Variants in PCDHGA11 observed in about 807,000 individuals in gnomAD.
The protein encoded by PCDHGA11 is protocadherin gamma-A11.
A neutral mutation model predicts 60.4 loss-of-function variants in PCDHGA11; 39 were observed. The ratio of observed to expected loss-of-function variants is 0.65; its 90% CI spans 0.50 to 0.84. The LOEUF is 0.84. Among genes scored for constraint, PCDHGA11 ranks in the 40% least tolerant of loss-of-function variants. The pLI, the probability that PCDHGA11 is intolerant of heterozygous loss-of-function variation, is 0.00. For synonymous variants in PCDHGA11, 533 were observed against 510.3 expected, an observed-to-expected ratio of 1.04 and a Z score of -0.60; for missense variants, 1,165 against 1,197.7, an observed-to-expected ratio of 0.97 and a Z score of 0.40.
In PCDHGA11 at chr5:141,486,645, C is replaced by G. The variant is rs369948556; in HGVS notation, c.2434-8162C>G. ...GACTCTGGCTTGAATGCGCTTATCT[C>G]CTACTCACTCCTGGAGCCCAGGAAT... On this transcript the variant is annotated intron_variant, in intron 1 of 3. Coordinates refer to ENST00000398587, the MANE Select transcript of PCDHGA11 (RefSeq NM_018914.3). The surrounding 1 kb of genome is among the most constrained non-coding windows in gnomAD (Gnocchi z 5.0). 4.3e-6 allele frequency: 7 copies of G among 1,613,752 alleles called. No individual in the cohort carries two copies. The Admixed American group carries it at 6.7e-5, about 15-fold the overall frequency.
intron 1 of PCDHGA11, chr5:141,427,761 G>A (rs1228905550): frequency 3.7e-6 from 5 of 1,366,246 alleles, no homozygotes; most frequent in Non-Finnish European, 4.1e-6. Flanking sequence ...CGTTACCACT[G>A]ACTTGGAGCT....
At chr5:141,505,238 G>A (rs1254100882) in intron 2 of PCDHGA11, 155 bp from the exon 3 acceptor site, 2 of 890,422 alleles carry the variant, frequency 2.2e-6, no homozygotes, top group South Asian at 5.2e-5. Context: ...GGCTTCTGAA[G>A]GATTGTAGAA....
At chr5:141,467,008 AT>A (rs1165146249) in intron 1 of PCDHGA11, among the ~76,000 whole-genome samples, 2 of 150,270 alleles carry the variant, frequency 1.3e-5, no homozygotes, top group Non-Finnish European at 3.0e-5. Context: ...TTGCAATGCA[AT>A]TTTTTTCCCT....
rs1223618064 is a variant in PCDHGA11 at position 141,512,867 on chromosome 5, C to T, written c.*1694C>T. On this transcript the variant is annotated 3_prime_UTR_variant, in exon 4 of 4. Transcript: ENST00000398587. The stretch of plus-strand genomic sequence containing the variant: ...ATAAGCGCTTCTCTTCGCATAGTCA[C>T]GTAGCTCCCACCCCACCCTCTTCCT... 1 of 152,184 alleles carries T rather than the reference C, an allele frequency of 6.6e-6. No homozygotes were observed. The highest frequency in any genetic ancestry group is 1.5e-5 in the Non-Finnish European group (1 of 68,056). The allele number at this position is 152,184 out of a possible 1,614,324, so 9.4% of individuals were successfully genotyped here. A position where few individuals can be genotyped will look rare whatever the true frequency, so the allele number is the denominator to read the frequency against.
rs1390739125 is a variant in PCDHGA11 at position 141,490,094 on chromosome 5, C to T, written c.2434-4713C>T. ...CTAGACTATTCTTTTGGAGACCACA[C>T]ATCTGAGGCAGTGCGGAACCTCTTT... On this transcript the variant is annotated intron_variant, in intron 1 of 3. Coordinates refer to ENST00000398587, the MANE Select transcript of PCDHGA11 (RefSeq NM_018914.3). This position sits in a 1 kb window ranked among gnomAD's most constrained non-coding sequence, Gnocchi z 5.4. 1 of 1,614,250 alleles carries T rather than the reference C, an allele frequency of 6.2e-7. No individual in the cohort carries two copies. The highest frequency in any genetic ancestry group is 2.2e-5 in the East Asian group (1 of 44,888).
intron 2 of PCDHGA11, among the ~76,000 whole-genome samples, chr5:141,499,182 C>T (rs980293990): frequency 5.3e-5 from 8 of 152,114 alleles, no homozygotes; most frequent in African/African-American, 1.7e-4. Flanking sequence ...GCCCAGCAAA[C>T]CATTTCCCCC....
At chr5:141,494,654 G>A in intron 1 of PCDHGA11, 153 bp from the exon 2 acceptor site, 1 of 966,640 alleles carries the variant, frequency 1.0e-6, no homozygotes, top group South Asian at 4.8e-5. Context: ...GGTGTATTTT[G>A]TCTTTGGAGA....
At chr5:141,510,296 G>A (rs999749575) in intron 3 of PCDHGA11, among the ~76,000 whole-genome samples, 6 of 149,608 alleles carry the variant, frequency 4.0e-5, no homozygotes, top group African/African-American at 1.5e-4. Flanking sequence ...AAAAAATGCT[G>A]TTTTGAAATG....
Position 141,432,436 on chromosome 5 carries a change from G to A in PCDHGA11, c.2433+8776G>A, listed in dbSNP as rs753833603. On this transcript the variant is annotated intron_variant, in intron 1 of 3. Coordinates refer to ENST00000398587, the MANE Select transcript of PCDHGA11 (RefSeq NM_018914.3). The surrounding 1 kb of genome is among the most constrained non-coding windows in gnomAD (Gnocchi z 6.0). ...TCGTGCTGGACCAGAACGACAATGC[G>A]CCCGAGATCCTGTACCCCGCCCTCC... The A allele has an allele frequency of 4.3e-6, 7 of 1,614,196 alleles. No homozygotes were observed. The highest frequency in any genetic ancestry group is 1.1e-5 in the South Asian group (1 of 91,084).
At chr5:141,474,323 C>T (rs1176074252) in intron 1 of PCDHGA11, among the ~76,000 whole-genome samples, 2 of 152,186 alleles carry the variant, frequency 1.3e-5, no homozygotes, top group Non-Finnish European at 2.9e-5. Context: ...GTTTTCAAAT[C>T]ACCCTGATGT....
At position 141,432,459 on chromosome 5, in the gene PCDHGA11, T is replaced by A. The variant is rs1230209932; in HGVS notation, c.2433+8799T>A. The A allele has an allele frequency of 1.2e-6, 2 of 1,613,984 alleles. No homozygotes were observed. Among genetic ancestry groups the A allele is most frequent in the South Asian group, 1.1e-5 (1 of 91,082 alleles). ...GCGCCCGAGATCCTGTACCCCGCCCTCCCCACGGACGGTTCCACTGGCGTG... is the reference window on the plus strand; with the variant it reads ...GCGCCCGAGATCCTGTACCCCGCCCACCCCACGGACGGTTCCACTGGCGTG... On this transcript the variant is annotated intron_variant, in intron 1 of 3. Transcript: ENST00000398587. The surrounding 1 kb of genome is among the most constrained non-coding windows in gnomAD (Gnocchi z 6.0).
intron 1 of PCDHGA11, chr5:141,428,142 C>A: frequency 6.3e-7 from 1 of 1,594,260 alleles, no homozygotes; most frequent in Non-Finnish European, 8.6e-7. Flanking sequence ...CCTGGGGCTG[C>A]ACACGGGAAC....
At position 141,431,604 on chromosome 5, in the gene PCDHGA11, G is replaced by A; in HGVS notation, c.2433+7944G>A. On this transcript the variant is annotated intron_variant, in intron 1 of 3. Coordinates refer to ENST00000398587, the MANE Select transcript of PCDHGA11 (RefSeq NM_018914.3). The surrounding 1 kb of genome is among the most constrained non-coding windows in gnomAD (Gnocchi z 4.8). ...AATGCGGAAGTGAGGTATTCCTTCCGGTATGTGGACGACAAGGCGGCCCAA... is the reference window on the plus strand; with the variant it reads ...AATGCGGAAGTGAGGTATTCCTTCCAGTATGTGGACGACAAGGCGGCCCAA... 8 of 1,614,206 alleles carry A rather than the reference G, an allele frequency of 5.0e-6. No individual in the cohort carries two copies. Among genetic ancestry groups the A allele is most frequent in the Non-Finnish European group, 6.8e-6 (8 of 1,180,046 alleles).
Position 141,431,690 on chromosome 5 carries a change from G to A in PCDHGA11, c.2433+8030G>A. 1.2e-6 allele frequency: 2 copies of A among 1,614,234 alleles called. No individual in the cohort carries two copies. Among genetic ancestry groups the A allele is most frequent in the Non-Finnish European group, 8.5e-7 (1 of 1,180,040 alleles). On this transcript the variant is annotated intron_variant, in intron 1 of 3. Coordinates refer to ENST00000398587, the MANE Select transcript of PCDHGA11 (RefSeq NM_018914.3). The surrounding 1 kb of genome is among the most constrained non-coding windows in gnomAD (Gnocchi z 4.8). ...AACAATAGGGGAGTTGGACCACGAG[G>A]AGTCAGGATTCTACCAGATGGAAGT... is the stretch of plus-strand genomic sequence containing the variant.
At chr5:141,473,272 A>G (rs2099318396) in intron 1 of PCDHGA11, among the ~76,000 whole-genome samples, 1 of 152,182 alleles carries the variant, frequency 6.6e-6, no homozygotes, top group African/African-American at 2.4e-5. Flanking sequence ...GTATGCTATG[A>G]TTATTTTACT....
At chr5:141,455,837 AT>A (rs2098833014) in intron 1 of PCDHGA11, among the ~76,000 whole-genome samples, 2 of 151,422 alleles carry the variant, frequency 1.3e-5, no homozygotes, top group African/African-American at 4.8e-5. Context: ...TTTCCTGTCT[AT>A]CTGCATAAAA....
chr5:141,473,930 G>T (rs966856411), intron 1 of PCDHGA11, among the ~76,000 whole-genome samples: 3 of 152,156 alleles, frequency 2.0e-5, no homozygotes, highest in Admixed American at 6.5e-5. Flanking sequence ...TGAGCTGGGT[G>T]CAGTAGCTCA....
chr5:141,488,985 C>G lies in PCDHGA11; in HGVS notation c.2434-5822C>G, dbSNP rs574857958. On this transcript the variant is annotated intron_variant, in intron 1 of 3. Transcript: ENST00000398587. ...ACTTTTTGGCCAATCAGACTCAGAG[C>G]TGAGGTGGGAGATCTGCTCTTCCAG... The G allele has an allele frequency of 7.4e-6, 3 of 405,188 alleles. No homozygotes were observed. In the South Asian group the frequency reaches 2.4e-4, roughly 32 times the overall value. The allele number at this position is 405,188 out of a possible 1,614,324, so 25.1% of individuals were successfully genotyped here.
In PCDHGA11 at chr5:141,489,432, G is replaced by A. The variant is rs2099687138; in HGVS notation, c.2434-5375G>A. ...TGACAGATCTGTTGAGCCGGCGGCTGCAATTGGGCTCTGAGGAGAATGGGC... is the reference window on the plus strand; with the variant it reads ...TGACAGATCTGTTGAGCCGGCGGCTACAATTGGGCTCTGAGGAGAATGGGC... On this transcript the variant is annotated intron_variant, in intron 1 of 3. Transcript: ENST00000398587. The surrounding 1 kb of genome is among the most constrained non-coding windows in gnomAD (Gnocchi z 4.5). 3.1e-6 allele frequency: 5 copies of A among 1,614,166 alleles called. No individual in the cohort carries two copies. Among genetic ancestry groups the A allele is most frequent in the Non-Finnish European group, 4.2e-6 (5 of 1,180,036 alleles).
Sources: allele counts gnomAD v4.1 joint callset (sites outside exome capture counted in the v4.1 genomes callset), GRCh38; gene constraint gnomAD v4.1.1; non-coding constraint Gnocchi (gnomAD v3.1); transcripts MANE v1.5; gene names NCBI Gene and HGNC (gene_info 2026-07-23, HGNC 2026-07-21).